AGBL4: variants seen among roughly 807,000 people sequenced by gnomAD.
The protein encoded by AGBL4 is cytosolic carboxypeptidase 6.
AGBL4 carries 58 observed loss-of-function variants against 66.4 expected under a neutral mutation model. The observed-to-expected ratio is 0.87, with a 90% confidence interval of 0.71 to 1.09. AGBL4 has a LOEUF of 1.09. Ranked by LOEUF, AGBL4 falls within the 50% of genes least tolerant of loss-of-function variation. AGBL4 has a pLI of 0.00. For missense variants in AGBL4, 579 were observed against 631.0 expected, an observed-to-expected ratio of 0.92 and a Z score of 0.88; for synonymous variants, 234 against 222.9, an observed-to-expected ratio of 1.05 and a Z score of -0.44.
chr1:48,610,683 T>C (rs1029663525), intron 9 of AGBL4, among the ~76,000 whole-genome samples: 7 of 152,154 alleles, frequency 4.6e-5, no homozygotes, highest in African/African-American at 1.7e-4. Context: ...GCCTAAGATA[T>C]TCTATGTATT....
At chr1:49,271,375 G>T (rs956593241) in intron 3 of AGBL4, among the ~76,000 whole-genome samples, 1 of 151,814 alleles carries the variant, frequency 6.6e-6, no homozygotes, top group Non-Finnish European at 1.5e-5. Flanking sequence ...GAGGTAGAAG[G>T]GTACTTTCGA....
intron 6 of AGBL4, among the ~76,000 whole-genome samples, chr1:48,773,784 G>C (rs1260093314): frequency 6.6e-6 from 1 of 152,192 alleles, no homozygotes; most frequent in Non-Finnish European, 1.5e-5. Context: ...AAGTCTCTGA[G>C]CTTCGGTGTC....
chr1:49,806,588 C>A (rs1439773682), intron 2 of AGBL4, among the ~76,000 whole-genome samples: 1 of 152,164 alleles, frequency 6.6e-6, no homozygotes, highest in Non-Finnish European at 1.5e-5. Flanking sequence ...AATGAGAAAG[C>A]ATGTTTGGGA....
chr1:49,258,066 C>A lies in AGBL4; in HGVS notation c.283-12202G>T, dbSNP rs535568366. On this transcript the variant is annotated intron_variant, in intron 3 of 13. Coordinates refer to ENST00000371839, the MANE Select transcript of AGBL4 (RefSeq NM_032785.4). ...CCAGGCAAACAGGGTCTGGAGTGAA[C>A]CTCTAGCAACAGACCTGCAGCTGAG... Among the ~76,000 whole-genome samples the A allele has an allele frequency of 2.0e-5, 3 of 152,282 alleles. No individual in the cohort carries two copies. In the South Asian group the frequency reaches 6.2e-4, roughly 32 times the overall value.
intron 6 of AGBL4, among the ~76,000 whole-genome samples, chr1:48,666,612 A>G (rs1490810628): frequency 6.6e-6 from 1 of 152,212 alleles, no homozygotes; most frequent in Non-Finnish European, 1.5e-5. Context: ...TTTATTGAAT[A>G]CCTATTAGAT....
At chr1:49,915,464 C>T (rs183577094) in intron 1 of AGBL4, among the ~76,000 whole-genome samples, 33 of 152,250 alleles carry the variant, frequency 2.2e-4, no homozygotes, top group East Asian at 1.2e-3. Context: ...GAGGGTCCCA[C>T]GCCCACCGGG....
intron 3 of AGBL4, among the ~76,000 whole-genome samples, chr1:49,676,586 T>C (rs1013258892): frequency 6.6e-6 from 1 of 152,124 alleles, no homozygotes; most frequent in African/African-American, 2.4e-5. Context: ...CTGTTGCTTG[T>C]TCTTAGTAAA....
At chr1:50,013,985 G>C (rs1311427457) in intron 1 of AGBL4, among the ~76,000 whole-genome samples, 1 of 152,132 alleles carries the variant, frequency 6.6e-6, no homozygotes, top group African/African-American at 2.4e-5. Flanking sequence ...ACATTAATTG[G>C]TAGAGTTGAA....
intron 3 of AGBL4, among the ~76,000 whole-genome samples, chr1:49,587,339 A>G (rs1452681573): frequency 6.6e-6 from 1 of 152,084 alleles, no homozygotes; most frequent in Non-Finnish European, 1.5e-5. Context: ...AAAGAAAAGA[A>G]AAGAAATAAT....
At chr1:49,392,913 T>C (rs1024216088) in intron 3 of AGBL4, among the ~76,000 whole-genome samples, 4 of 152,222 alleles carry the variant, frequency 2.6e-5, no homozygotes, top group Non-Finnish European at 5.9e-5. Flanking sequence ...TCTAGTAAAA[T>C]GTACATTTTG....
At position 49,530,274 on chromosome 1, in the gene AGBL4, A is replaced by AAAAAAAAAAAAAAAAC. The variant is rs1553221141; in HGVS notation, c.282+167038_282+167039insGTTTTTTTTTTTTTTT. On this transcript the variant is annotated intron_variant, in intron 3 of 13. Coordinates refer to ENST00000371839, the MANE Select transcript of AGBL4 (RefSeq NM_032785.4). ...GTAGAATTTGTAAAAAAAAAAAAAC[A>AAAAAAAAAAAAAAAAC]AAAAAAAACTCTATGAGTTTTTTTT... Among the ~76,000 whole-genome samples the AAAAAAAAAAAAAAAAC allele has an allele frequency of 3.2e-4, 43 of 134,804 alleles. 3 individuals are homozygous for AAAAAAAAAAAAAAAAC. Among genetic ancestry groups the AAAAAAAAAAAAAAAAC allele is most frequent in the African/African-American group, 1.4e-3 (43 of 30,900 alleles). 88.4% of individuals were successfully genotyped at this position (134,804 alleles called of 152,430 possible).
intron 6 of AGBL4, among the ~76,000 whole-genome samples, chr1:48,678,152 T>G (rs1356664210): frequency 6.6e-6 from 1 of 152,196 alleles, no homozygotes; most frequent in Non-Finnish European, 1.5e-5. Context: ...TGGTCAGGCC[T>G]TCTCAGCACA....
At chr1:48,742,034 G>A (rs1311953002) in intron 6 of AGBL4, among the ~76,000 whole-genome samples, 1 of 152,198 alleles carries the variant, frequency 6.6e-6, no homozygotes, top group East Asian at 1.9e-4. Flanking sequence ...TTGTTTTCAA[G>A]GTCATATAAA....
intron 3 of AGBL4, among the ~76,000 whole-genome samples, chr1:49,520,138 T>C (rs1169385274): frequency 6.6e-6 from 1 of 152,058 alleles, no homozygotes; most frequent in Non-Finnish European, 1.5e-5. Flanking sequence ...CACTCTTTAT[T>C]CTAATGATCT....
At chr1:49,425,094 C>G (rs551121221) in intron 3 of AGBL4, among the ~76,000 whole-genome samples, 1 of 152,090 alleles carries the variant, frequency 6.6e-6, no homozygotes, top group African/African-American at 2.4e-5. Flanking sequence ...TGAATGTCAA[C>G]AAAAAGAATC....
At chr1:49,415,532 G>A (rs1365596195) in intron 3 of AGBL4, among the ~76,000 whole-genome samples, 1 of 152,044 alleles carries the variant, frequency 6.6e-6, no homozygotes, top group Non-Finnish European at 1.5e-5. Flanking sequence ...TTGGACTGAA[G>A]TGACATTAAA....
chr1:49,460,454 C>T (rs745506893), intron 3 of AGBL4, among the ~76,000 whole-genome samples: 24 of 151,560 alleles, frequency 1.6e-4, no homozygotes, highest in Non-Finnish European at 3.4e-4. Context: ...CTTTTTCCAG[C>T]CCTTTTCCTT....
At chr1:49,484,790 G>C (rs1358662144) in intron 3 of AGBL4, among the ~76,000 whole-genome samples, 1 of 151,822 alleles carries the variant, frequency 6.6e-6, no homozygotes, top group Admixed American at 6.6e-5. Flanking sequence ...AGCTTGAGGG[G>C]ATAAATATCT....
At chr1:49,382,441 T>A (rs1297833651) in intron 3 of AGBL4, among the ~76,000 whole-genome samples, 10 of 151,662 alleles carry the variant, frequency 6.6e-5, no homozygotes, top group Non-Finnish European at 1.2e-4. Context: ...AGAAAAAAAA[T>A]TTTTTGACAA....
Sources: gnomAD v4.1 joint callset for allele counts (sites outside exome capture counted in the v4.1 genomes callset) on GRCh38, gnomAD v4.1.1 for gene constraint, MANE v1.5 for transcripts, NCBI Gene and HGNC (gene_info 2026-07-23, HGNC 2026-07-21) for gene names.